The following MYOM1 variants were observed in gnomAD, a reference collection of about 807,000 sequenced individuals.
The protein encoded by MYOM1 is myomesin 1.
In MYOM1, 164 loss-of-function variants were observed where a neutral mutation model predicts 205.3. That is an observed-to-expected ratio of 0.80 (90% CI 0.70 to 0.91). The LOEUF (loss-of-function observed/expected upper bound fraction) is 0.91. MYOM1 is among the 40% of genes least tolerant of loss of function. The pLI is 0.00. For missense variants in MYOM1, 2,011 were observed against 2,127.3 expected (o/e 0.95, Z 1.08); for synonymous variants, 772 against 789.4 (o/e 0.98, Z 0.37).
chr18:3,075,461 G>C lies in MYOM1; in HGVS notation c.4701C>G (p.Ala1567=). ...EFQRLKQAAI[A]EKNRARVLGG... ...AAAAAAAAGTTTACTTACTTTTCTC[G>C]GCAATGGCAGCTTGTCTGTGGTTGA... Residue 1567 remains alanine (A), a synonymous_variant, in exon 36 of 38, where the codon GCC becomes GCG. Coordinates refer to ENST00000356443, the MANE Select transcript of MYOM1 (RefSeq NM_003803.4). The C allele has an allele frequency of 6.2e-7, 1 of 1,611,194 alleles. No individual in the cohort carries two copies. The highest frequency in any genetic ancestry group is 8.5e-7 in the Non-Finnish European group (1 of 1,178,112).
chr18:3,246,962 G>A, the MYOM1 span: 5 of 152,210 alleles, frequency 3.3e-5, no homozygotes, highest in Non-Finnish European at 7.3e-5. Context: ...CAGACCTCAG[G>A]AGAAATAGGC....
Position 3,067,062 on chromosome 18 carries a change from T to A in MYOM1, c.*200A>T. 1.6e-6 allele frequency: 1 copy of A among 606,374 alleles called. No homozygotes were observed. The highest frequency in any genetic ancestry group is 2.8e-6 in the Non-Finnish European group (1 of 352,158). The allele number at this position is 606,374 out of a possible 1,614,324, so 37.6% of individuals were successfully genotyped here. A position where few individuals can be genotyped will look rare whatever the true frequency, so the allele number is the denominator to read the frequency against. On this transcript the variant is annotated 3_prime_UTR_variant, in exon 38 of 38. Transcript: ENST00000356443. Reference sequence around the variant, plus strand: ...CTTCATGCTATGAATGGTATTTTCTTAACACATAATTTTGTAGATAAAGAA... The same window carrying A: ...CTTCATGCTATGAATGGTATTTTCTAAACACATAATTTTGTAGATAAAGAA...
chr18:3,186,086 C>T (rs187129134), intron 5 of MYOM1, among the ~76,000 whole-genome samples: 192 of 152,184 alleles, frequency 1.3e-3, no homozygotes, highest in African/African-American at 4.2e-3. Context: ...TTCCCAGCTA[C>T]TTGGGAGGCT....
At chr18:3,238,324 G>A in the MYOM1 span, among the ~76,000 whole-genome samples, 5 of 152,176 alleles carry the variant, frequency 3.3e-5, no homozygotes, top group Non-Finnish European at 7.3e-5. Flanking sequence ...TAATGTGAGC[G>A]ATGGGGAGCA....
At chr18:3,237,981 G>C in the MYOM1 span, among the ~76,000 whole-genome samples, 2 of 152,330 alleles carry the variant, frequency 1.3e-5, no homozygotes, top group East Asian at 3.9e-4. Flanking sequence ...GACTGGGGCA[G>C]GGGTGGCGGT....
chr18:3,082,557 C>T (rs2079096478), intron 33 of MYOM1, among the ~76,000 whole-genome samples: 1 of 152,108 alleles, frequency 6.6e-6, no homozygotes. Context: ...CTGGGGATGC[C>T]ATGTGACCTT....
chr18:3,152,632 C>T lies in MYOM1; in HGVS notation c.1644-739G>A, dbSNP rs181107873. Among the ~76,000 whole-genome samples the T allele has an allele frequency of 6.6e-6, 1 of 152,270 alleles. No individual in the cohort carries two copies. Among genetic ancestry groups the T allele is most frequent in the Admixed American group, 6.5e-5 (1 of 15,296 alleles). ...CATGCTGTTGGCCTGATCAACAAAG[C>T]TTTAGGGGTTCAACATGTGATTAAA... On this transcript the variant is annotated intron_variant, in intron 11 of 37. Coordinates refer to ENST00000356443, the MANE Select transcript of MYOM1 (RefSeq NM_003803.4). The surrounding 1 kb of genome is among the most constrained non-coding windows in gnomAD (Gnocchi z 4.3).
At position 3,127,468 on chromosome 18, in the gene MYOM1, C is replaced by T. The variant is rs189444341; in HGVS notation, c.2795-571G>A. On this transcript the variant is annotated intron_variant, in intron 18 of 37. Coordinates refer to ENST00000356443, the MANE Select transcript of MYOM1 (RefSeq NM_003803.4). Reference sequence around the variant, plus strand: ...GGATTATAGGTGTGCACCACCATGCCCGGCTAATTTTTGTATTATTAGGAG... The same window carrying T: ...GGATTATAGGTGTGCACCACCATGCTCGGCTAATTTTTGTATTATTAGGAG... 1.9e-3 allele frequency among the ~76,000 whole-genome samples: 293 copies of T among 151,658 alleles called. 1 individual carries two copies. The highest frequency in any genetic ancestry group is 6.8e-3 in the Middle Eastern group (2 of 294).
intron 33 of MYOM1, among the ~76,000 whole-genome samples, chr18:3,082,595 T>C (rs1200183304): frequency 2.0e-5 from 3 of 152,198 alleles, no homozygotes; most frequent in African/African-American, 7.2e-5. Context: ...TAGGAACATT[T>C]GCAGTTTGGA....
chr18:3,114,719 T>G (rs2079580671), intron 21 of MYOM1, among the ~76,000 whole-genome samples: 1 of 152,008 alleles, frequency 6.6e-6, no homozygotes, highest in African/African-American at 2.4e-5. Flanking sequence ...TTTGAATTTT[T>G]CATTTAAATT....
At chr18:3,112,725 T>C (rs776719552) in intron 21 of MYOM1, among the ~76,000 whole-genome samples, 7 of 152,234 alleles carry the variant, frequency 4.6e-5, no homozygotes, top group Non-Finnish European at 7.3e-5. Context: ...AGGTGTCACA[T>C]GCGTTAGCCA....
At chr18:3,146,271 C>T (rs1003909065) in intron 13 of MYOM1, among the ~76,000 whole-genome samples, 1 of 151,928 alleles carries the variant, frequency 6.6e-6, no homozygotes, top group Admixed American at 6.6e-5. Context: ...ACCCCAATAC[C>T]AAAACCAAAC....
At chr18:3,197,171 C>T (rs1432180156) in intron 2 of MYOM1, among the ~76,000 whole-genome samples, 4 of 146,432 alleles carry the variant, frequency 2.7e-5, no homozygotes, top group Non-Finnish European at 5.9e-5. Context: ...GAGTCTCACT[C>T]TGTCACCCAG....
At chr18:3,164,568 G>A in intron 9 of MYOM1, 129 bp from the exon 10 acceptor site, 1 of 907,760 alleles carries the variant, frequency 1.1e-6, no homozygotes, top group Non-Finnish European at 1.6e-6. Context: ...GAAGTCTCTA[G>A]GACTTTGAGC....
At chr18:3,125,882 C>T (rs2079773079) in intron 19 of MYOM1, among the ~76,000 whole-genome samples, 1 of 152,196 alleles carries the variant, frequency 6.6e-6, no homozygotes, top group Non-Finnish European at 1.5e-5. Flanking sequence ...TTGTGGCCAT[C>T]AAGCGACTAT....
intron 2 of MYOM1, among the ~76,000 whole-genome samples, chr18:3,201,115 C>G (rs1380886949): frequency 3.3e-5 from 5 of 152,172 alleles, no homozygotes; most frequent in Admixed American, 6.5e-5. Flanking sequence ...AATTCTATAT[C>G]TGGCCGGGCG....
In MYOM1 at chr18:3,155,088, T is replaced by C. The variant is rs374352178; in HGVS notation, c.1502A>G (p.Asp501Gly). The C allele has an allele frequency of 4.3e-6, 7 of 1,610,234 alleles. No homozygotes were observed. The African/African-American group carries it at 9.4e-5, about 22-fold the overall frequency. ...GGCTCCTTCAATCTCTGCATCAGCA[T>C]CTGTGGAGACAGAGAAGGATCCCAT... ...EQYSAYVFVRDADAEIEGAPA... is the reference protein window; with the variant it reads ...EQYSAYVFVRGADAEIEGAPA... The change falls in exon 11 of 38, where the codon GAT becomes GGT. Residue 501 changes from aspartate (D) to glycine (G), a missense_variant and splice_region_variant. By Grantham distance (94) the Asp-to-Gly change is moderately conservative. Transcript: ENST00000356443.
chr18:3,178,591 G>A (rs946550898), intron 5 of MYOM1, among the ~76,000 whole-genome samples: 10 of 152,078 alleles, frequency 6.6e-5, no homozygotes, highest in African/African-American at 1.4e-4. Flanking sequence ...ACACCCCTCC[G>A]TCCCTAAAGC....
chr18:3,164,715 T>A (rs901715164), intron 9 of MYOM1, among the ~76,000 whole-genome samples: 21 of 152,298 alleles, frequency 1.4e-4, no homozygotes, highest in Non-Finnish European at 2.2e-4. Flanking sequence ...AAAGTGCAAT[T>A]AAAGGTGCTA....
Sources: gnomAD v4.1 joint callset for allele counts (sites outside exome capture counted in the v4.1 genomes callset) on GRCh38, gnomAD v4.1.1 for gene constraint, Gnocchi (gnomAD v3.1) non-coding constraint, MANE v1.5 for transcripts, NCBI Gene and HGNC (gene_info 2026-07-23, HGNC 2026-07-21) for gene names.